ZNF334: variants seen among roughly 807,000 people sequenced by gnomAD.
The protein encoded by ZNF334 is zinc finger protein 334.
Under a neutral mutation model 12.4 loss-of-function variants are expected in ZNF334, and 14 were observed. That is an observed-to-expected ratio of 1.13 (90% CI 0.74 to 1.76). ZNF334 has a LOEUF of 1.76. ZNF334 is among the 40% of genes most tolerant of loss of function. The probability of loss-of-function intolerance (pLI) is 0.00; values close to 1 mark genes in which losing one functional copy is unlikely to be tolerated. For missense variants in ZNF334, 797 were observed against 804.5 expected (o/e 0.99, Z 0.11); for synonymous variants, 273 against 269.6 (o/e 1.01, Z -0.12).
At chr20:46,463,263 AAAC>A in the ZNF334 span, among the ~76,000 whole-genome samples, 2 of 152,180 alleles carry the variant, frequency 1.3e-5, no homozygotes, top group Non-Finnish European at 2.9e-5. Context: ...TAAAATAAAC[AAAC>A]AACAAACAAA....
Position 46,501,316 on chromosome 20 carries a change from G to A in ZNF334, c.2023C>T (p.Gln675Ter). 6.2e-7 allele frequency: 1 copy of A among 1,610,624 alleles called. No individual in the cohort carries two copies. Among genetic ancestry groups the A allele is most frequent in the Non-Finnish European group, 8.5e-7 (1 of 1,177,976 alleles). ...FRHKSNFLLH[Q>*]KSHKE Reference sequence around the variant, plus strand: ...GGAACTTATTCCTTGTGGGATTTCTGATGTAAAAGAAAGTTTGATTTGTGG... The same window carrying A: ...GGAACTTATTCCTTGTGGGATTTCTAATGTAAAAGAAAGTTTGATTTGTGG... Residue 675 changes from glutamine to a stop codon, truncating the protein, a stop_gained, in exon 5 of 5, where the codon CAG becomes TAG. Transcript: ENST00000692313. LOFTEE classifies it low-confidence loss of function (END_TRUNC).
In ZNF334 at chr20:46,501,226, TACTC is replaced by T; in HGVS notation, c.*66_*69del. 1.3e-6 allele frequency: 2 copies of T among 1,542,806 alleles called. No individual in the cohort carries two copies. The highest frequency in any genetic ancestry group is 8.7e-7 in the Non-Finnish European group (1 of 1,147,088). On this transcript the variant is annotated 3_prime_UTR_variant, in exon 5 of 5. Coordinates refer to ENST00000692313, the MANE Select transcript of ZNF334 (RefSeq NM_001353824.2). ...TTATAAGATTTTACTCCTCTATACA[TACTC>T]ACAGTTTAGCATTGTGTAAGTTATT...
the ZNF334 span, among the ~76,000 whole-genome samples, chr20:46,486,817 T>C: frequency 3.5e-4 from 54 of 152,230 alleles, no homozygotes; most frequent in Non-Finnish European, 6.0e-4. Context: ...TTGCTAACAT[T>C]TGCATTTTAG....
intron 4 of ZNF334, 60 bp from the exon 5 acceptor site, chr20:46,503,157 G>A (rs997498083): frequency 2.9e-5 from 43 of 1,499,990 alleles, no homozygotes; most frequent in Non-Finnish European, 3.6e-5. Context: ...GCTATGAAAT[G>A]AGAATTCCTT....
At chr20:46,486,256 T>C in the ZNF334 span, among the ~76,000 whole-genome samples, 1 of 152,144 alleles carries the variant, frequency 6.6e-6, no homozygotes, top group Middle Eastern at 3.2e-3. Context: ...ATCTTTTCTA[T>C]GTTGTTAAAT....
At chr20:46,504,930 T>C in intron 2 of ZNF334, 190 bp from the exon 3 acceptor site, 1 of 495,454 alleles carries the variant, frequency 2.0e-6, no homozygotes, top group African/African-American at 2.0e-5. Flanking sequence ...TGTGCTGAGC[T>C]TATACCATGT....
chr20:46,511,229 T>TAA (rs11288508), intron 2 of ZNF334, among the ~76,000 whole-genome samples: 4 of 132,166 alleles, frequency 3.0e-5, no homozygotes, highest in Admixed American at 1.5e-4. Flanking sequence ...TCATCTCAAT[T>TAA]AAAAAAAAAA....
chr20:46,485,720 G>A, the ZNF334 span: 9 of 152,030 alleles, frequency 5.9e-5, 1 homozygote, highest in Middle Eastern at 3.2e-3. Context: ...ATTTCGGTCT[G>A]GAGTATCATT....
the ZNF334 span, among the ~76,000 whole-genome samples, chr20:46,477,672 G>T: frequency 6.6e-6 from 1 of 152,216 alleles, no homozygotes; most frequent in South Asian, 2.1e-4. Flanking sequence ...TGGATTTGAG[G>T]ATGGAGCTCA....
intron 2 of ZNF334, among the ~76,000 whole-genome samples, chr20:46,507,767 G>T (rs1048051017): frequency 1.3e-5 from 2 of 152,060 alleles, no homozygotes; most frequent in Non-Finnish European, 2.9e-5. Flanking sequence ...AATTTAATGA[G>T]GCCTTTCCCG....
At chr20:46,468,168 C>T in the ZNF334 span, among the ~76,000 whole-genome samples, 280 of 152,252 alleles carry the variant, frequency 1.8e-3, no homozygotes, top group African/African-American at 6.6e-3. Flanking sequence ...TTTACTGAGG[C>T]GGCGGTGCAC....
At chr20:46,471,484 T>C in the ZNF334 span, among the ~76,000 whole-genome samples, 7 of 152,196 alleles carry the variant, frequency 4.6e-5, no homozygotes, top group Admixed American at 2.6e-4. Context: ...TATCAATCTT[T>C]TCCTTTCTGG....
At chr20:46,469,137 T>C in the ZNF334 span, among the ~76,000 whole-genome samples, 1 of 152,212 alleles carries the variant, frequency 6.6e-6, no homozygotes, top group African/African-American at 2.4e-5. Context: ...AATTAAAAAC[T>C]GACCATGTGA....
At chr20:46,483,509 T>A in the ZNF334 span, among the ~76,000 whole-genome samples, 1 of 152,232 alleles carries the variant, frequency 6.6e-6, no homozygotes, top group Non-Finnish European at 1.5e-5. Flanking sequence ...ATTTTAATAG[T>A]TTTAATAATT....
At chr20:46,510,007 T>A (rs2061585032) in intron 2 of ZNF334, among the ~76,000 whole-genome samples, 1 of 152,128 alleles carries the variant, frequency 6.6e-6, no homozygotes, top group Non-Finnish European at 1.5e-5. Flanking sequence ...ATGTAGACCA[T>A]CTAGCATAGC....
At chr20:46,463,933 A>C in the ZNF334 span, 1 of 542,142 alleles carries the variant, frequency 1.8e-6, no homozygotes, top group African/African-American at 1.9e-5. Context: ...ATCATCATGG[A>C]ACAAGTCCCA....
At chr20:46,472,219 T>C in the ZNF334 span, among the ~76,000 whole-genome samples, 2 of 152,178 alleles carry the variant, frequency 1.3e-5, no homozygotes, top group Non-Finnish European at 1.5e-5. Context: ...CTCCACCCCT[T>C]GCGGAATATA....
In ZNF334 at chr20:46,501,225, A is replaced by T; in HGVS notation, c.*71T>A. 1 of 1,541,508 alleles carries T rather than the reference A, an allele frequency of 6.5e-7. No individual in the cohort carries two copies. The highest frequency in any genetic ancestry group is 8.7e-7 in the Non-Finnish European group (1 of 1,146,566). On this transcript the variant is annotated 3_prime_UTR_variant, in exon 5 of 5. Transcript: ENST00000692313. The stretch of plus-strand genomic sequence containing the variant: ...TTTATAAGATTTTACTCCTCTATAC[A>T]TACTCACAGTTTAGCATTGTGTAAG...
chr20:46,497,515 G>C (rs1228537656), downstream of ZNF334, among the ~76,000 whole-genome samples: 1 of 152,162 alleles, frequency 6.6e-6, no homozygotes, highest in East Asian at 1.9e-4. Context: ...GGGAAGAAGA[G>C]ATTACCAACT....
Sources: allele counts gnomAD v4.1 joint callset (sites outside exome capture counted in the v4.1 genomes callset), GRCh38; gene constraint gnomAD v4.1.1; transcripts MANE v1.5; gene names NCBI Gene and HGNC (gene_info 2026-07-23, HGNC 2026-07-21).